RASEF: variants seen among roughly 807,000 people sequenced by gnomAD.
RASEF encodes RAS and EF-hand domain containing, also known as ras and EF-hand domain-containing protein.
RASEF carries 68 observed loss-of-function variants against 90.1 expected under a neutral mutation model. The observed-to-expected ratio is 0.75, with a 90% CI of 0.62 to 0.92. The LOEUF (loss-of-function observed/expected upper bound fraction) is 0.92, where lower values mean the gene tolerates loss of function less well. RASEF is among the 40% of genes least tolerant of loss of function. The pLI is 0.00. For synonymous variants in RASEF, 331 were observed against 345.2 expected, an observed-to-expected ratio of 0.96 and a Z score of 0.46; for missense variants, 949 against 937.2, an observed-to-expected ratio of 1.01 and a Z score of -0.16.
At chr9:83,071,818 G>C in the RASEF span, among the ~76,000 whole-genome samples, 1 of 152,220 alleles carries the variant, frequency 6.6e-6, no homozygotes, top group Non-Finnish European at 1.5e-5. Context: ...TCTGGTAAGT[G>C]GGTGTCTTAT....
At chr9:83,204,910 G>A in the RASEF span, among the ~76,000 whole-genome samples, 1 of 152,184 alleles carries the variant, frequency 6.6e-6, no homozygotes, top group African/African-American at 2.4e-5. Flanking sequence ...TCCATACACT[G>A]TATTTTTGTA....
the RASEF span, among the ~76,000 whole-genome samples, chr9:83,091,999 A>ATTTTTTTTTTTTTTTTTTTTTTTT: frequency 1.2e-4 from 2 of 17,234 alleles, no homozygotes; most frequent in Non-Finnish European, 1.2e-4. Flanking sequence ...TTTTTCTTTT[A>ATTTTTTTTTTTTTTTTTTTTTTTT]TTTCTTTTTT....
At chr9:83,195,598 T>C in the RASEF span, among the ~76,000 whole-genome samples, 2 of 152,062 alleles carry the variant, frequency 1.3e-5, no homozygotes, top group African/African-American at 4.8e-5. Flanking sequence ...AAGAAACAGA[T>C]TTTCTGCCCT....
the RASEF span, among the ~76,000 whole-genome samples, chr9:83,131,084 C>G: frequency 1.5e-3 from 226 of 152,278 alleles, 1 homozygote; most frequent in African/African-American, 4.9e-3. Flanking sequence ...AACAGTCAGA[C>G]AACGTGATCT....
chr9:82,993,090 A>G, intron 14 of RASEF, 65 bp from the exon 15 acceptor site: 1 of 1,536,590 alleles, frequency 6.5e-7, no homozygotes, highest in Non-Finnish European at 8.8e-7. Flanking sequence ...TGACCACAGA[A>G]CAACAGCAAC....
intron 1 of RASEF, among the ~76,000 whole-genome samples, chr9:83,058,092 C>G (rs1458194868): frequency 6.6e-6 from 1 of 150,492 alleles, no homozygotes; most frequent in Non-Finnish European, 1.5e-5. Flanking sequence ...GTGTTTCACT[C>G]CCTCTCAACA....
chr9:83,044,209 A>C (rs567836955), intron 1 of RASEF, among the ~76,000 whole-genome samples: 1 of 152,166 alleles, frequency 6.6e-6, no homozygotes, highest in South Asian at 2.1e-4. Flanking sequence ...GCATCTGCAG[A>C]AAGGAGGGAA....
chr9:83,080,140 ACTCTTCTGTTAGG>A, the RASEF span, among the ~76,000 whole-genome samples: 1 of 152,138 alleles, frequency 6.6e-6, no homozygotes, highest in African/African-American at 2.4e-5. Context: ...TCTATCTAAA[ACTCTTCTGTTAGG>A]CTAGTTACCA....
chr9:83,198,068 T>C, the RASEF span, among the ~76,000 whole-genome samples: 1 of 152,204 alleles, frequency 6.6e-6, no homozygotes, highest in South Asian at 2.1e-4. Flanking sequence ...CTGAGAAATA[T>C]GCCTAGAACA....
At chr9:83,073,161 CTTGGAGGAGTACCCTCCTGCTGGTAGGG>C in the RASEF span, among the ~76,000 whole-genome samples, 21 of 152,290 alleles carry the variant, frequency 1.4e-4, no homozygotes, top group Admixed American at 6.5e-4. Flanking sequence ...TGCATCACTT[CTTGGAGGAGTACCCTCCTGCTGGTAGGG>C]TTTGCTTTAC....
the RASEF span, among the ~76,000 whole-genome samples, chr9:83,151,653 G>C: frequency 5.3e-5 from 8 of 152,198 alleles, no homozygotes; most frequent in Non-Finnish European, 8.8e-5. Context: ...TAGCAGAAGA[G>C]CCAGGATTAA....
At chr9:83,206,777 G>A in the RASEF span, among the ~76,000 whole-genome samples, 1 of 152,172 alleles carries the variant, frequency 6.6e-6, no homozygotes, top group Admixed American at 6.5e-5. Flanking sequence ...CTGCTCATGA[G>A]ACTTTTTTGC....
At chr9:83,153,987 T>C in the RASEF span, among the ~76,000 whole-genome samples, 1 of 152,222 alleles carries the variant, frequency 6.6e-6, no homozygotes, top group African/African-American at 2.4e-5. Context: ...GCATAGCGTA[T>C]AGCGTCTCAA....
At chr9:83,038,851 T>C (rs192517957) in intron 1 of RASEF, among the ~76,000 whole-genome samples, 12 of 152,330 alleles carry the variant, frequency 7.9e-5, no homozygotes, top group African/African-American at 2.9e-4. Context: ...ATCAATTCTA[T>C]GGCCACTCTA....
At chr9:83,179,900 C>T in the RASEF span, among the ~76,000 whole-genome samples, 10 of 152,064 alleles carry the variant, frequency 6.6e-5, no homozygotes, top group Admixed American at 2.0e-4. Context: ...ATACTTACAA[C>T]GAGACAAAAA....
chr9:83,010,180 A>G (rs924552762), intron 5 of RASEF, among the ~76,000 whole-genome samples: 2 of 152,346 alleles, frequency 1.3e-5, no homozygotes, highest in Admixed American at 6.5e-5. Context: ...AATAAATTCC[A>G]TCACTTAATA....
the RASEF span, among the ~76,000 whole-genome samples, chr9:83,151,207 C>T: frequency 6.6e-6 from 1 of 151,784 alleles, no homozygotes; most frequent in Admixed American, 6.6e-5. Context: ...TTTATTATTG[C>T]TTTTAAATTA....
rs975220391 is a variant in RASEF at position 83,002,538 on chromosome 9, A to C, written c.1203-1408T>G. Among the ~76,000 whole-genome samples, 26 of 150,776 alleles carry C rather than the reference A, an allele frequency of 1.7e-4. No individual in the cohort carries two copies. The South Asian group carries it at 2.9e-3, about 17-fold the overall frequency. On this transcript the variant is annotated intron_variant, in intron 9 of 16. Coordinates refer to ENST00000376447, the MANE Select transcript of RASEF (RefSeq NM_152573.4). ...TATTTATTTATTGTTAATATATACT[A>C]TTAATAACAATAACAATGAAAATAT...
chr9:83,164,371 A>G, the RASEF span, among the ~76,000 whole-genome samples: 15 of 145,440 alleles, frequency 1.0e-4, no homozygotes, highest in African/African-American at 3.5e-4. Flanking sequence ...ATATATATAT[A>G]TATGTGTGTG....
Sources: allele counts gnomAD v4.1 joint callset (sites outside exome capture counted in the v4.1 genomes callset), GRCh38; gene constraint gnomAD v4.1.1; transcripts MANE v1.5; gene names NCBI Gene and HGNC (gene_info 2026-07-23, HGNC 2026-07-21).